The following CACNA1C variants were observed in gnomAD, a reference collection of about 807,000 sequenced individuals.
CACNA1C encodes the protein calcium voltage-gated channel subunit alpha1 C, also known as voltage-dependent L-type calcium channel subunit alpha-1C.
Under a neutral mutation model 229.0 loss-of-function variants are expected in CACNA1C, and 30 were observed. The observed-to-expected ratio is 0.13, with a 90% CI of 0.10 to 0.18. The LOEUF (loss-of-function observed/expected upper bound fraction) is 0.18, where lower values mean the gene tolerates loss of function less well. Ranked by LOEUF, CACNA1C falls within the 10% of genes least tolerant of loss-of-function variation. The pLI, the probability that CACNA1C is intolerant of heterozygous loss-of-function variation, is 1.00. For missense variants in CACNA1C, 1,658 were observed against 2,845.0 expected (o/e 0.58, Z 9.49); for synonymous variants, 1,114 against 1,132.5 (o/e 0.98, Z 0.33).
chr12:2,208,293 A>G (rs1044048933), intron 3 of CACNA1C, among the ~76,000 whole-genome samples: 3 of 152,232 alleles, frequency 2.0e-5, no homozygotes, highest in Non-Finnish European at 4.4e-5. Context: ...CAAGGTAGAA[A>G]AGTTACAATG....
intron 3 of CACNA1C, 145 bp downstream of exon 3, chr12:2,120,575 TTTTACTCTTTA>T: frequency 1.5e-6 from 1 of 676,498 alleles, no homozygotes; most frequent in Non-Finnish European, 2.7e-6. Flanking sequence ...CCGAGTGCTG[TTTTACTCTTTA>T]TTCAAATCAG....
chr12:2,053,262 A>G lies in CACNA1C; in HGVS notation c.-301A>G. On this transcript the variant is annotated 5_prime_UTR_variant, in exon 1 of 47. The change abolishes an upstream ATG in the 5' untranslated region. Coordinates refer to ENST00000399655, the MANE Select transcript of CACNA1C (RefSeq NM_000719.7). The surrounding 1 kb of genome is among the most constrained non-coding windows in gnomAD (Gnocchi z 5.8). Reference sequence around the variant, plus strand: ...TGCCTCTCCCGATTTATTTTTTCAAATGGTGTAGCCGCCGGAGGTGCGGTG... The same window carrying G: ...TGCCTCTCCCGATTTATTTTTTCAAGTGGTGTAGCCGCCGGAGGTGCGGTG... The G allele has an allele frequency of 1.9e-6, 2 of 1,080,512 alleles. No homozygotes were observed. Among genetic ancestry groups the G allele is most frequent in the South Asian group, 4.0e-5 (1 of 24,790 alleles). 66.9% of individuals were successfully genotyped at this position (1,080,512 alleles called of 1,614,324 possible). A position where few individuals can be genotyped will look rare whatever the true frequency, so the allele number is the denominator to read the frequency against.
At chr12:2,474,405 A>C (rs2099610368) in intron 5 of CACNA1C, among the ~76,000 whole-genome samples, 1 of 152,144 alleles carries the variant, frequency 6.6e-6, no homozygotes, top group South Asian at 2.1e-4. Context: ...TGGTTCTGGG[A>C]GTGAGTGTGG....
intron 1 of CACNA1C, among the ~76,000 whole-genome samples, chr12:1,975,571 G>C (rs1430221476): frequency 2.0e-5 from 3 of 152,108 alleles, no homozygotes; most frequent in Non-Finnish European, 4.4e-5. Flanking sequence ...TCTCTGCCAA[G>C]AATTTAGACT....
At position 2,605,076 on chromosome 12, in the gene CACNA1C, C is replaced by T. The variant is rs781703710; in HGVS notation, c.2961-5C>T. Reference sequence around the variant, plus strand: ...CTTACTACCCTGCCTGTTTCCCTCTCCCAGGTCCAGTGCAATCAATGTCGT... The same window carrying T: ...CTTACTACCCTGCCTGTTTCCCTCTTCCAGGTCCAGTGCAATCAATGTCGT... On this transcript the variant is annotated splice_region_variant and splice_polypyrimidine_tract_variant and intron_variant, in intron 22 of 46. Transcript: ENST00000399655. This position sits in a 1 kb window ranked among gnomAD's most constrained non-coding sequence, Gnocchi z 6.2. 31 of 1,612,258 alleles carry T rather than the reference C, an allele frequency of 1.9e-5. No individual in the cohort carries two copies. Among genetic ancestry groups the T allele is most frequent in the Middle Eastern group, 3.3e-4 (2 of 6,076 alleles).
intron 3 of CACNA1C, among the ~76,000 whole-genome samples, chr12:2,148,494 T>G (rs1232625513): frequency 6.6e-6 from 1 of 151,296 alleles, no homozygotes; most frequent in African/African-American, 2.4e-5. Flanking sequence ...TTGATCATAC[T>G]AGTAATGATT....
rs1365245111 is a variant in CACNA1C at position 2,359,815 on chromosome 12, C to T, written c.478-89161C>T. ...CTTCCCACTACCAGGGAAGAAAAGA[C>T]ACTTAAAGTGGGAGGTAGGGGAGCC... On this transcript the variant is annotated intron_variant, in intron 3 of 46. Transcript: ENST00000399655. Among the ~76,000 whole-genome samples, 14 of 152,168 alleles carry T rather than the reference C, an allele frequency of 9.2e-5. No individual in the cohort carries two copies. In the East Asian group the frequency reaches 2.7e-3, roughly 29 times the overall value.
At chr12:2,448,921 C>T (rs982292938) in intron 3 of CACNA1C, 55 bp from the exon 4 acceptor site, 281 of 1,491,336 alleles carry the variant, frequency 1.9e-4, no homozygotes, top group Non-Finnish European at 2.4e-4. Flanking sequence ...TCCAAACTTT[C>T]CAAATCCCCA....
intron 1 of CACNA1C, among the ~76,000 whole-genome samples, chr12:2,114,052 A>G (rs1015252823): frequency 6.6e-6 from 1 of 152,196 alleles, no homozygotes; most frequent in South Asian, 2.1e-4. Context: ...GAATCACCCC[A>G]AAACAAAGTG....
rs216025 is a variant in CACNA1C at position 2,639,434 on chromosome 12, T to C, written c.3912+5054T>C. ...TTTCATTTTGTATTTTAAAATATAC[T>C]GAACAATAGAAAGTGCTGGGCAGCC... is the stretch of plus-strand genomic sequence containing the variant. On this transcript the variant is annotated intron_variant, in intron 30 of 46. Transcript: ENST00000399655. This position sits in a 1 kb window ranked among gnomAD's most constrained non-coding sequence, Gnocchi z 4.2. Among the ~76,000 whole-genome samples, 106,795 of 152,142 alleles carry C rather than the reference T, an allele frequency of 0.7. 37,763 individuals are homozygous for C. Among genetic ancestry groups the C allele is most frequent in the Admixed American group, 0.76 (11,665 of 15,278 alleles).
At chr12:2,682,190 G>A in intron 42 of CACNA1C, 1 of 620,792 alleles carries the variant, frequency 1.6e-6, no homozygotes, top group Non-Finnish European at 2.8e-6. Flanking sequence ...GGTGAGTGGG[G>A]GGCAGCCTCT....
In CACNA1C at chr12:2,148,435, C is replaced by A. The variant is rs1334865322; in HGVS notation, c.477+28005C>A. On this transcript the variant is annotated intron_variant, in intron 3 of 46. Coordinates refer to ENST00000399655, the MANE Select transcript of CACNA1C (RefSeq NM_000719.7). ...GATCAAACTCTTTTCATGGCCAGAC[C>A]AGGCTCCAGGGGTTCTGGGTCACAT... 5.9e-5 allele frequency among the ~76,000 whole-genome samples: 9 copies of A among 151,322 alleles called. 1 individual carries two copies. The highest frequency in any genetic ancestry group is 2.2e-4 in the African/African-American group (9 of 41,376).
intron 3 of CACNA1C, among the ~76,000 whole-genome samples, chr12:2,372,720 T>A (rs969282796): frequency 3.3e-5 from 5 of 152,168 alleles, no homozygotes; most frequent in African/African-American, 1.2e-4. Context: ...CCCTATCGCC[T>A]CCCTTTCCAA....
At chr12:2,673,617 T>G (rs1257841661) in intron 38 of CACNA1C, among the ~76,000 whole-genome samples, 1 of 152,062 alleles carries the variant, frequency 6.6e-6, no homozygotes, top group Non-Finnish European at 1.5e-5. Context: ...GATCATGTTG[T>G]TGGTGGAATT....
intron 13 of CACNA1C, among the ~76,000 whole-genome samples, chr12:2,572,489 TCCTCCTCCTC>T (rs2055911641): frequency 2.2e-5 from 2 of 90,972 alleles, no homozygotes; most frequent in African/African-American, 4.3e-5. Flanking sequence ...CTCTTCCTCC[TCCTCCTCCTC>T]TCCTGCTCCT....
intron 1 of CACNA1C, among the ~76,000 whole-genome samples, chr12:2,090,310 CTTTTTTTTT>C (rs145675982): frequency 7.2e-5 from 5 of 69,190 alleles, no homozygotes; most frequent in South Asian, 6.7e-4. Flanking sequence ...GGATAGACTA[CTTTTTTTTT>C]TTTTTTTTTT....
At chr12:2,594,377 T>G (rs2067033512) in intron 19 of CACNA1C, among the ~76,000 whole-genome samples, 1 of 152,256 alleles carries the variant, frequency 6.6e-6, no homozygotes, top group Non-Finnish European at 1.5e-5. Context: ...GGGTCTTACA[T>G]ATCTTTCATC....
intron 3 of CACNA1C, among the ~76,000 whole-genome samples, chr12:2,345,708 G>A (rs905624957): frequency 1.3e-5 from 2 of 152,100 alleles, no homozygotes; most frequent in Admixed American, 6.5e-5. Flanking sequence ...TACTGTCTCT[G>A]CAGGTTGATC....
intron 1 of CACNA1C, among the ~76,000 whole-genome samples, chr12:2,039,063 G>A (rs1012332080): frequency 3.3e-5 from 5 of 152,238 alleles, no homozygotes; most frequent in African/African-American, 1.2e-4. Flanking sequence ...AAAGACAGGT[G>A]CTGTGAATAT....
Sources: allele counts gnomAD v4.1 joint callset (sites outside exome capture counted in the v4.1 genomes callset), GRCh38; gene constraint gnomAD v4.1.1; non-coding constraint Gnocchi (gnomAD v3.1); transcripts MANE v1.5; gene names NCBI Gene and HGNC (gene_info 2026-07-23, HGNC 2026-07-21).